The following ATF7IP variants were observed in gnomAD, a reference collection of about 807,000 sequenced individuals.
ATF7IP encodes the protein activating transcription factor 7 interacting protein.
Under a neutral mutation model 106.4 loss-of-function variants are expected in ATF7IP, and 23 were observed. That is an observed-to-expected ratio of 0.22 (90% CI 0.16 to 0.31). ATF7IP has a LOEUF of 0.31. ATF7IP is among the 10% of genes least tolerant of loss of function. The pLI, the probability that ATF7IP is intolerant of heterozygous loss-of-function variation, is 1.00. For synonymous variants in ATF7IP, 542 were observed against 539.0 expected, an observed-to-expected ratio of 1.01 and a Z score of -0.08; for missense variants, 1,334 against 1,524.3, an observed-to-expected ratio of 0.88 and a Z score of 2.08.
chr12:14,433,866 A>G (rs1183566271), intron 2 of ATF7IP, among the ~76,000 whole-genome samples: 1 of 152,158 alleles, frequency 6.6e-6, no homozygotes, highest in Admixed American at 6.5e-5. Flanking sequence ...TAGCCTTTCC[A>G]TTCCTTATTT....
chr12:14,482,807 C>T (rs1944472191), intron 13 of ATF7IP, among the ~76,000 whole-genome samples: 1 of 152,188 alleles, frequency 6.6e-6, no homozygotes, highest in Non-Finnish European at 1.5e-5. Flanking sequence ...CTCCTCAGAT[C>T]ATACATATTC....
intron 6 of ATF7IP, 67 bp from the exon 7 acceptor site, chr12:14,456,494 A>G (rs557909473): frequency 4.1e-5 from 46 of 1,131,128 alleles, no homozygotes; most frequent in East Asian, 2.2e-4. Flanking sequence ...CTACAGGTCT[A>G]ATTTTTTTTT....
At chr12:14,493,833 T>C (rs1944909093) in intron 13 of ATF7IP, among the ~76,000 whole-genome samples, 2 of 152,130 alleles carry the variant, frequency 1.3e-5, no homozygotes, top group African/African-American at 4.8e-5. Flanking sequence ...AAGACTCTCA[T>C]TCAGGGCAAT....
intron 1 of ATF7IP, among the ~76,000 whole-genome samples, chr12:14,388,433 G>T (rs907241921): frequency 6.6e-6 from 1 of 150,668 alleles, no homozygotes; most frequent in South Asian, 2.1e-4. Flanking sequence ...TGCAACCTCC[G>T]CCTCCCAGGT....
chr12:14,432,033 G>C (rs1036517939), intron 2 of ATF7IP, among the ~76,000 whole-genome samples: 2 of 152,170 alleles, frequency 1.3e-5, no homozygotes, highest in East Asian at 1.9e-4. Context: ...TGGAAACTGG[G>C]AGTTGGGTGA....
At position 14,424,990 on chromosome 12, in the gene ATF7IP, A is replaced by G. The variant is rs751761163; in HGVS notation, c.1075A>G (p.Ile359Val). ...EETLETDDTT[I>V]CSDRPPENEK... is the part of the protein sequence containing the mutation. ...AACTCTAGAAACAGATGATACAACT[A>G]TTTGTTCAGATCGACCTCCTGAAAA... The change falls in exon 2 of 15, where the codon ATT (isoleucine) becomes GTT (valine). Residue 359 changes from isoleucine to valine, a missense_variant. Physicochemically the swap from Ile to Val is conservative, Grantham distance 29. Around this residue, in one of 10 missense-constraint regions of ATF7IP, gnomAD observed 438 missense variants for 405.3 expected, o/e 1.08. Coordinates refer to ENST00000261168, the MANE Select transcript of ATF7IP (RefSeq NM_018179.5). The G allele has an allele frequency of 5.0e-6, 8 of 1,611,140 alleles. No individual in the cohort carries two copies. Among genetic ancestry groups the G allele is most frequent in the Middle Eastern group, 1.7e-4 (1 of 6,048 alleles).
intron 1 of ATF7IP, among the ~76,000 whole-genome samples, chr12:14,398,434 G>T: frequency 1.4e-5 from 2 of 144,586 alleles, no homozygotes; most frequent in Non-Finnish European, 1.5e-5. Context: ...CATCTTGTTG[G>T]TATATTTATT....
rs564124907 is a variant in ATF7IP at position 14,465,726 on chromosome 12, GTTTAAC to G, written c.2798-797_2798-792del. ...ATATACATATGGGAATACATAGGTA[GTTTAAC>G]TTCCTGTATTTTTTTAAACATAAAT... On this transcript the variant is annotated intron_variant, in intron 9 of 14. Coordinates refer to ENST00000261168, the MANE Select transcript of ATF7IP (RefSeq NM_018179.5). 4.6e-3 allele frequency among the ~76,000 whole-genome samples: 694 copies of G among 152,104 alleles called. 3 individuals carry two copies. Among genetic ancestry groups the G allele is most frequent in the East Asian group, 0.015 (79 of 5,186 alleles).
intron 5 of ATF7IP, among the ~76,000 whole-genome samples, chr12:14,444,278 T>C (rs1380294431): frequency 6.6e-6 from 1 of 152,202 alleles, no homozygotes; most frequent in African/African-American, 2.4e-5. Context: ...GACAGCCTAA[T>C]ACAGAGACAG....
chr12:14,438,404 G>A, intron 5 of ATF7IP, 137 bp downstream of exon 5: 1 of 826,822 alleles, frequency 1.2e-6, no homozygotes, highest in East Asian at 2.7e-5. Flanking sequence ...TGTTTAGTTT[G>A]CCAGGGCTGC....
chr12:14,464,111 G>C (rs958631278), intron 9 of ATF7IP, among the ~76,000 whole-genome samples: 1 of 152,126 alleles, frequency 6.6e-6, no homozygotes, highest in Admixed American at 6.5e-5. Context: ...TCAGGAGCTC[G>C]CCACCAGCCT....
In ATF7IP at chr12:14,499,119, TAC is replaced by T. The variant is rs1361634934; in HGVS notation, c.*1048_*1049del. ...CCTCGGCCTCCCAGAGTGCTGCGAT[TAC>T]AGTTGTGAGCCACTGTATCCAGCCT... On this transcript the variant is annotated 3_prime_UTR_variant, in exon 15 of 15. Transcript: ENST00000261168. 1 of 152,270 alleles carries T rather than the reference TAC, an allele frequency of 6.6e-6. No individual in the cohort carries two copies. The highest frequency in any genetic ancestry group is 1.5e-5 in the Non-Finnish European group (1 of 68,116). 9.4% of individuals were successfully genotyped at this position (152,270 alleles called of 1,614,324 possible). A position where few individuals can be genotyped will look rare whatever the true frequency, so the allele number is the denominator to read the frequency against.
Position 14,425,406 on chromosome 12 carries a change from T to C in ATF7IP, c.1491T>C (p.Asp497=). 3 of 1,606,624 alleles carry C rather than the reference T, an allele frequency of 1.9e-6. No homozygotes were observed. The highest frequency in any genetic ancestry group is 2.5e-6 in the Non-Finnish European group (3 of 1,177,590). ...AAGAAGCCTTTCTGGTCCTCTCTGA[T>C]GAAGAGGATATTTCGGGTGAAAAAG... The part of the protein sequence containing the change: ...LPKEAFLVLS[D]EEDISGEKDE... The change falls in exon 2 of 15, where the codon GAT becomes GAC. Residue 497 remains aspartate, a synonymous_variant. Coordinates refer to ENST00000261168, the MANE Select transcript of ATF7IP (RefSeq NM_018179.5).
chr12:14,366,156 A>G (rs990270354), intron 1 of ATF7IP, among the ~76,000 whole-genome samples: 1 of 152,244 alleles, frequency 6.6e-6, no homozygotes, highest in Non-Finnish European at 1.5e-5. Context: ...CACAATTTTC[A>G]AGAAAAACAT....
At chr12:14,484,172 C>T (rs1456703691) in intron 13 of ATF7IP, among the ~76,000 whole-genome samples, 2 of 152,226 alleles carry the variant, frequency 1.3e-5, no homozygotes, top group East Asian at 1.9e-4. Context: ...AAATTGGGCA[C>T]TCAGCAATGG....
At chr12:14,398,672 T>A (rs1940001143) in intron 1 of ATF7IP, among the ~76,000 whole-genome samples, 1 of 152,042 alleles carries the variant, frequency 6.6e-6, no homozygotes, top group African/African-American at 2.4e-5. Flanking sequence ...ATCCATAGAT[T>A]TATTTCTGAT....
intron 5 of ATF7IP, among the ~76,000 whole-genome samples, chr12:14,442,310 A>G (rs558025877): frequency 6.6e-6 from 1 of 152,292 alleles, no homozygotes; most frequent in African/African-American, 2.4e-5. Context: ...TGTGCTCTAG[A>G]GAGGGAAATA....
chr12:14,497,841 A>G lies in ATF7IP; in HGVS notation c.3581A>G (p.Asp1194Gly). Residue 1194 changes from aspartate to glycine, a missense_variant, in exon 15 of 15, where the codon GAT becomes GGT. Asp to Gly is a moderately conservative substitution (Grantham distance 94). Around this residue, in one of 10 missense-constraint regions of ATF7IP, gnomAD observed 80 missense variants for 157.0 expected, o/e 0.51. Coordinates refer to ENST00000261168, the MANE Select transcript of ATF7IP (RefSeq NM_018179.5). ...GTGGATCGAAGCTGTGCCACTGTTGATAGCTACCATCTCTATGCTTACCAT... is the reference window on the plus strand; with the variant it reads ...GTGGATCGAAGCTGTGCCACTGTTGGTAGCTACCATCTCTATGCTTACCAT... Reference protein sequence around the residue: ...LEVDRSCATVDSYHLYAYHEE... With the variant: ...LEVDRSCATVGSYHLYAYHEE... The G allele has an allele frequency of 1.2e-6, 2 of 1,614,116 alleles. No homozygotes were observed. Among genetic ancestry groups the G allele is most frequent in the South Asian group, 1.1e-5 (1 of 91,088 alleles).
At chr12:14,407,542 C>A (rs528550583) in intron 1 of ATF7IP, among the ~76,000 whole-genome samples, 1 of 152,158 alleles carries the variant, frequency 6.6e-6, no homozygotes, top group Non-Finnish European at 1.5e-5. Context: ...TACAAAGAGA[C>A]ATGCCTATTA....
Sources: gnomAD v4.1 joint callset for allele counts (sites outside exome capture counted in the v4.1 genomes callset) on GRCh38, gnomAD v4.1.1 for gene constraint, gnomAD v4.1.1 regional missense constraint, MANE v1.5 for transcripts, NCBI Gene and HGNC (gene_info 2026-07-23, HGNC 2026-07-21) for gene names.